The following SLC3A1 variants were observed in gnomAD, a reference collection of about 807,000 sequenced individuals.
The protein encoded by SLC3A1 is solute carrier family 3 member 1, also known as amino acid transporter heavy chain SLC3A1.
In SLC3A1, 78 loss-of-function variants were observed where a neutral mutation model predicts 60.3. The observed-to-expected ratio is 1.29, with a 90% CI of 1.08 to 1.56. The LOEUF (loss-of-function observed/expected upper bound fraction) is 1.56, where lower values mean the gene tolerates loss of function less well. SLC3A1 is among the 40% of genes most tolerant of loss of function. The pLI, the probability that SLC3A1 is intolerant of heterozygous loss-of-function variation, is 0.00. For missense variants in SLC3A1, 1,172 were observed against 858.9 expected, an observed-to-expected ratio of 1.36 and a Z score of -4.56; for synonymous variants, 392 against 307.9, an observed-to-expected ratio of 1.27 and a Z score of -2.86.
At chr2:44,301,253 T>C in intron 6 of SLC3A1, 126 bp downstream of exon 6, 1 of 1,276,694 alleles carries the variant, frequency 7.8e-7, no homozygotes, top group Non-Finnish European at 1.1e-6. Flanking sequence ...CTCTAATTGA[T>C]TACAGTTTGG....
At chr2:44,288,285 C>T (rs758717594) in intron 4 of SLC3A1, among the ~76,000 whole-genome samples, 1 of 152,162 alleles carries the variant, frequency 6.6e-6, no homozygotes, top group African/African-American at 2.4e-5. Context: ...CTCAGCTTCC[C>T]AAAATGCTGG....
At chr2:44,280,674 A>T (rs779852416) in intron 1 of SLC3A1, 42 bp from the exon 2 acceptor site, 1 of 1,436,546 alleles carries the variant, frequency 7.0e-7, no homozygotes, top group East Asian at 2.3e-5. Flanking sequence ...CTTTAACTAA[A>T]ACAAAGTAGG....
intron 7 of SLC3A1, among the ~76,000 whole-genome samples, chr2:44,306,226 T>C (rs1318367327): frequency 1.3e-5 from 2 of 152,188 alleles, no homozygotes; most frequent in Non-Finnish European, 2.9e-5. Flanking sequence ...AAAAGTGGTA[T>C]GATTTTGATA....
At position 44,321,019 on chromosome 2, in the gene SLC3A1, G is replaced by C. The variant is rs1672895394; in HGVS notation, c.*380G>C. ...GTGTCTAAAAGCATTTGCTAGCAAA[G>C]AGGCAGGACACTAATTTGTAAACTG... On this transcript the variant is annotated 3_prime_UTR_variant, in exon 10 of 10. Coordinates refer to ENST00000260649, the MANE Select transcript of SLC3A1 (RefSeq NM_000341.4). The C allele has an allele frequency of 5.2e-6, 2 of 384,036 alleles. No homozygotes were observed. The highest frequency in any genetic ancestry group is 2.9e-5 in the South Asian group (1 of 34,832). The allele number at this position is 384,036 out of a possible 1,614,324, so 23.8% of individuals were successfully genotyped here.
At chr2:44,313,314 T>C (rs927016788) in intron 8 of SLC3A1, among the ~76,000 whole-genome samples, 1 of 152,220 alleles carries the variant, frequency 6.6e-6, no homozygotes, top group Non-Finnish European at 1.5e-5. Context: ...CAACTTTAAT[T>C]GCCTAGTTAG....
chr2:44,304,769 G>A (rs150680453), intron 7 of SLC3A1, among the ~76,000 whole-genome samples: 89 of 150,944 alleles, frequency 5.9e-4, no homozygotes, highest in Non-Finnish European at 6.9e-4. Flanking sequence ...AGAGATTGTC[G>A]GAGAAAGAAT....
In SLC3A1 at chr2:44,275,973, C is replaced by A. The variant is rs373422626; in HGVS notation, c.430+8C>A. Reference sequence around the variant, plus strand: ...GGAACGGAGATCTGAAAGGTACATGCCCAGAGATCATTTAGGGTGGGTGCC... The same window carrying A: ...GGAACGGAGATCTGAAAGGTACATGACCAGAGATCATTTAGGGTGGGTGCC... On this transcript the variant is annotated splice_region_variant and intron_variant, in intron 1 of 9. Coordinates refer to ENST00000260649, the MANE Select transcript of SLC3A1 (RefSeq NM_000341.4). 1 of 1,612,806 alleles carries A rather than the reference C, an allele frequency of 6.2e-7. No individual in the cohort carries two copies. Among genetic ancestry groups the A allele is most frequent in the Non-Finnish European group, 8.5e-7 (1 of 1,178,846 alleles).
chr2:44,301,199 A>G (rs1376867251), intron 6 of SLC3A1, 72 bp downstream of exon 6: 1 of 1,587,100 alleles, frequency 6.3e-7, no homozygotes, highest in Admixed American at 1.7e-5. Context: ...CTCACAACCA[A>G]GTGTATTTGG....
At chr2:44,303,631 G>A (rs1672074399) in intron 6 of SLC3A1, among the ~76,000 whole-genome samples, 1 of 151,918 alleles carries the variant, frequency 6.6e-6, no homozygotes, top group African/African-American at 2.4e-5. Flanking sequence ...TGTACAACAT[G>A]CAGGTTTGTT....
chr2:44,314,106 T>G, intron 9 of SLC3A1, 155 bp downstream of exon 9: 1 of 1,519,616 alleles, frequency 6.6e-7, no homozygotes, highest in Non-Finnish European at 8.9e-7. Context: ...AAGGAGTTTG[T>G]AAATCATGCC....
chr2:44,321,804 C>A (rs1314890323), downstream of SLC3A1: 6 of 1,613,706 alleles, frequency 3.7e-6, no homozygotes, highest in Admixed American at 1.7e-5. Flanking sequence ...AATCTGTCCA[C>A]TGAGAGGGCC....
chr2:44,279,429 G>T (rs145206460), intron 1 of SLC3A1, among the ~76,000 whole-genome samples: 1 of 152,084 alleles, frequency 6.6e-6, no homozygotes, highest in East Asian at 1.9e-4. Context: ...ACCCTCAGGG[G>T]TCATCAGCTT....
intron 8 of SLC3A1, 84 bp downstream of exon 8, chr2:44,312,837 C>T (rs1672333714): frequency 4.7e-6 from 5 of 1,064,414 alleles, no homozygotes; most frequent in Non-Finnish European, 2.8e-6. Flanking sequence ...AGAGAACTTA[C>T]TATCTCTCTA....
downstream of SLC3A1, chr2:44,321,742 T>A (rs141374111): frequency 2.7e-3 from 4,351 of 1,610,850 alleles, 13 homozygotes; most frequent in Middle Eastern, 5.8e-3. Flanking sequence ...GGCTTTGTCA[T>A]AAACCTGCTG....
At chr2:44,304,938 C>T (rs917301836) in intron 7 of SLC3A1, among the ~76,000 whole-genome samples, 1 of 151,154 alleles carries the variant, frequency 6.6e-6, no homozygotes, top group South Asian at 2.1e-4. Flanking sequence ...CCTCCCACCT[C>T]AGCCTCCTGA....
chr2:44,314,189 T>G, intron 9 of SLC3A1: 1 of 1,018,826 alleles, frequency 9.8e-7, no homozygotes, highest in Non-Finnish European at 1.4e-6. Context: ...AAGTCTTCAT[T>G]GCAATGACCT....
intron 7 of SLC3A1, among the ~76,000 whole-genome samples, chr2:44,309,021 T>C (rs555610782): frequency 7.9e-5 from 12 of 152,190 alleles, no homozygotes; most frequent in Non-Finnish European, 1.3e-4. Flanking sequence ...CGTGAGCTAC[T>C]GTGCCTGGCC....
chr2:44,300,918 A>T, intron 5 of SLC3A1, 85 bp from the exon 6 acceptor site: 7 of 1,548,396 alleles, frequency 4.5e-6, no homozygotes. Context: ...GAGCCCTTTG[A>T]AGAGGTTGTC....
rs568574838 is a variant in SLC3A1 at position 44,299,103 on chromosome 2, A to T, written c.892-868A>T. Among the ~76,000 whole-genome samples the T allele has an allele frequency of 2.0e-5, 3 of 148,198 alleles. No homozygotes were observed. The South Asian group carries it at 6.4e-4, about 31-fold the overall frequency. On this transcript the variant is annotated intron_variant, in intron 4 of 9. Coordinates refer to ENST00000260649, the MANE Select transcript of SLC3A1 (RefSeq NM_000341.4). ...GCCCAGGCTGGAGTGCAATGGCCCA[A>T]TCTCGGCTCACCACAACTTCCACCT...
Sources: gnomAD v4.1 joint callset for allele counts (sites outside exome capture counted in the v4.1 genomes callset) on GRCh38, gnomAD v4.1.1 for gene constraint, MANE v1.5 for transcripts, NCBI Gene and HGNC (gene_info 2026-07-23, HGNC 2026-07-21) for gene names.